KCNIP4: variants seen among roughly 807,000 people sequenced by gnomAD.
KCNIP4 encodes the protein potassium voltage-gated channel interacting protein 4, also known as Kv channel-interacting protein 4.
KCNIP4 carries 12 observed loss-of-function variants against 34.0 expected under a neutral mutation model. The observed-to-expected ratio is 0.35, with a 90% CI of 0.23 to 0.57. The LOEUF (loss-of-function observed/expected upper bound fraction) is 0.57. Ranked by LOEUF, KCNIP4 falls within the 20% of genes least tolerant of loss-of-function variation. The probability of loss-of-function intolerance (pLI) is 0.83; values close to 1 mark genes in which losing one functional copy is unlikely to be tolerated. For synonymous variants in KCNIP4, 124 were observed against 102.2 expected, an observed-to-expected ratio of 1.21 and a Z score of -1.29; for missense variants, 238 against 311.7, an observed-to-expected ratio of 0.76 and a Z score of 1.78.
chr4:21,017,386 A>G (rs1269906678), intron 1 of KCNIP4, among the ~76,000 whole-genome samples: 2 of 151,978 alleles, frequency 1.3e-5, no homozygotes, highest in Non-Finnish European at 2.9e-5. Flanking sequence ...GTTCTCCTCA[A>G]TGTGTCCATG....
chr4:20,823,769 A>T (rs1717394136), intron 3 of KCNIP4, among the ~76,000 whole-genome samples: 1 of 152,204 alleles, frequency 6.6e-6, no homozygotes, highest in African/African-American at 2.4e-5. Context: ...AAACTTACAA[A>T]AATATATCAC....
chr4:21,245,719 TG>T lies in KCNIP4; in HGVS notation c.62-363011del, dbSNP rs199770453. Among the ~76,000 whole-genome samples, 1,317 of 151,698 alleles carry T rather than the reference TG, an allele frequency of 8.7e-3. 20 individuals carry two copies. Among genetic ancestry groups the T allele is most frequent in the African/African-American group, 0.03 (1,254 of 41,388 alleles). On this transcript the variant is annotated intron_variant, in intron 1 of 8. Transcript: ENST00000382152. ...GGGCAACACCAAGAATGAGAGTATCTGGGGGAAGCACGTGGCAGACAGACCC... is the reference window on the plus strand; with the variant it reads ...GGGCAACACCAAGAATGAGAGTATCTGGGGAAGCACGTGGCAGACAGACCC...
intron 2 of KCNIP4, among the ~76,000 whole-genome samples, chr4:20,851,533 CT>C (rs1167076871): frequency 6.6e-6 from 1 of 152,028 alleles, no homozygotes; most frequent in African/African-American, 2.4e-5. Flanking sequence ...AATTATATTC[CT>C]TTGGGTATAT....
intron 1 of KCNIP4, among the ~76,000 whole-genome samples, chr4:21,023,183 C>T (rs1399297718): frequency 1.3e-5 from 2 of 152,034 alleles, no homozygotes; most frequent in African/African-American, 4.8e-5. Context: ...AAGACATTAA[C>T]TAGTAGTCAT....
At chr4:21,288,920 C>T (rs1004483865) in intron 1 of KCNIP4, among the ~76,000 whole-genome samples, 1 of 152,182 alleles carries the variant, frequency 6.6e-6, no homozygotes, top group Non-Finnish European at 1.5e-5. Flanking sequence ...TTTTTCATGG[C>T]TGTATAGTAT....
intron 1 of KCNIP4, among the ~76,000 whole-genome samples, chr4:21,713,887 C>A (rs1232923222): frequency 6.6e-6 from 1 of 152,094 alleles, no homozygotes; most frequent in African/African-American, 2.4e-5. Context: ...ATGTACAAAC[C>A]CATGATTAGA....
At chr4:20,788,865 T>C (rs146227947) in intron 3 of KCNIP4, among the ~76,000 whole-genome samples, 67 of 152,218 alleles carry the variant, frequency 4.4e-4, no homozygotes, top group African/African-American at 1.5e-3. Flanking sequence ...ATTAAGAGTA[T>C]CACAGTGAGG....
intron 2 of KCNIP4, among the ~76,000 whole-genome samples, chr4:20,865,508 A>G (rs1332880623): frequency 6.6e-6 from 1 of 152,100 alleles, no homozygotes; most frequent in Non-Finnish European, 1.5e-5. Context: ...ACTGATATAT[A>G]CAATGGAATA....
intron 1 of KCNIP4, among the ~76,000 whole-genome samples, chr4:21,248,842 T>TC (rs1760478624): frequency 6.6e-6 from 1 of 152,110 alleles, no homozygotes; most frequent in Non-Finnish European, 1.5e-5. Flanking sequence ...CAGAGGTTAG[T>TC]TAAACAACTT....
intron 1 of KCNIP4, chr4:21,847,280 G>A (rs553229285): frequency 8.6e-4 from 131 of 152,098 alleles, no homozygotes; most frequent in African/African-American, 2.8e-3. Context: ...TTTACATGTC[G>A]CTATCCCCTA....
intron 1 of KCNIP4, among the ~76,000 whole-genome samples, chr4:21,620,010 T>C (rs1222655552): frequency 6.6e-6 from 1 of 152,222 alleles, no homozygotes; most frequent in Non-Finnish European, 1.5e-5. Flanking sequence ...GTAAAGACCA[T>C]TGTACTCAAT....
intron 1 of KCNIP4, among the ~76,000 whole-genome samples, chr4:20,975,282 A>G (rs2149683085): frequency 6.6e-6 from 1 of 152,352 alleles, no homozygotes; most frequent in Middle Eastern, 3.4e-3. Context: ...CGAAAGGCTC[A>G]ATGTAGTGCA....
intron 1 of KCNIP4, among the ~76,000 whole-genome samples, chr4:21,632,987 A>G (rs1560578268): frequency 6.6e-6 from 1 of 152,220 alleles, no homozygotes; most frequent in African/African-American, 2.4e-5. Context: ...ATCTATTTCT[A>G]AACGGTACGT....
In KCNIP4 at chr4:21,079,068, A is replaced by G. The variant is rs573821967; in HGVS notation, c.62-196359T>C. 2.0e-5 allele frequency among the ~76,000 whole-genome samples: 3 copies of G among 152,152 alleles called. No homozygotes were observed. In the East Asian group the frequency reaches 5.8e-4, roughly 30 times the overall value. On this transcript the variant is annotated intron_variant, in intron 1 of 8. Coordinates refer to ENST00000382152, the MANE Select transcript of KCNIP4 (RefSeq NM_025221.6). ...CTGCACTTACCCTTGTTTGAAAGTC[A>G]CGTGCCCCAACTTGGTTATGGCTTG...
intron 1 of KCNIP4, among the ~76,000 whole-genome samples, chr4:21,135,195 T>A (rs566828907): frequency 3.9e-5 from 6 of 152,342 alleles, no homozygotes; most frequent in Admixed American, 1.3e-4. Context: ...TGCTGCTCTC[T>A]GCTGGTCAAA....
At chr4:21,557,177 G>A (rs1246754051) in intron 1 of KCNIP4, among the ~76,000 whole-genome samples, 5 of 152,016 alleles carry the variant, frequency 3.3e-5, no homozygotes, top group African/African-American at 9.7e-5. Context: ...AATATTGAGT[G>A]CTTTGCAACA....
intron 1 of KCNIP4, among the ~76,000 whole-genome samples, chr4:21,645,733 G>A (rs1011578098): frequency 6.6e-6 from 1 of 152,078 alleles, no homozygotes; most frequent in Admixed American, 6.6e-5. Flanking sequence ...TCTGGGATGC[G>A]CTGCTCAGAT....
intron 1 of KCNIP4, among the ~76,000 whole-genome samples, chr4:21,358,560 T>C (rs1481770111): frequency 6.6e-6 from 1 of 152,158 alleles, no homozygotes; most frequent in African/African-American, 2.4e-5. Flanking sequence ...ATGCATCAGC[T>C]TGACTGAGCC....
At chr4:21,174,146 G>C (rs1184582240) in intron 1 of KCNIP4, among the ~76,000 whole-genome samples, 1 of 152,070 alleles carries the variant, frequency 6.6e-6, no homozygotes, top group African/African-American at 2.4e-5. Context: ...CTCAATTTTT[G>C]CCTCTCATTT....
Sources: gnomAD v4.1 joint callset for allele counts (sites outside exome capture counted in the v4.1 genomes callset) on GRCh38, gnomAD v4.1.1 for gene constraint, MANE v1.5 for transcripts, NCBI Gene and HGNC (gene_info 2026-07-23, HGNC 2026-07-21) for gene names.